The following ATP8A2 variants were observed in gnomAD, a reference collection of about 807,000 sequenced individuals.
The protein encoded by ATP8A2 is phospholipid-transporting ATPase IB.
In ATP8A2, 100 loss-of-function variants were observed where a neutral mutation model predicts 165.6. The ratio of observed to expected loss-of-function variants is 0.60; its 90% confidence interval spans 0.51 to 0.71. The LOEUF (loss-of-function observed/expected upper bound fraction) is 0.71, where lower values mean the gene tolerates loss of function less well. ATP8A2 is among the 30% of genes least tolerant of loss of function. The pLI is 0.00. For missense variants in ATP8A2, 1,227 were observed against 1,479.5 expected, an observed-to-expected ratio of 0.83 and a Z score of 2.80; for synonymous variants, 543 against 548.8, an observed-to-expected ratio of 0.99 and a Z score of 0.15.
chr13:25,474,201 A>G (rs945699760), intron 2 of ATP8A2, among the ~76,000 whole-genome samples: 20 of 79,396 alleles, frequency 2.5e-4, no homozygotes, highest in African/African-American at 6.0e-4. Flanking sequence ...CCTTAAAGGA[A>G]AATTACTTCA....
At chr13:25,539,716 T>C (rs1043252361) in intron 7 of ATP8A2, among the ~76,000 whole-genome samples, 1 of 152,238 alleles carries the variant, frequency 6.6e-6, no homozygotes, top group African/African-American at 2.4e-5. Flanking sequence ...ACTAACTGTG[T>C]GAACCTAGCT....
At chr13:25,615,171 G>A (rs1373848732) in intron 24 of ATP8A2, among the ~76,000 whole-genome samples, 1 of 152,142 alleles carries the variant, frequency 6.6e-6, no homozygotes, top group African/African-American at 2.4e-5. Context: ...GCAAGGTTAG[G>A]TGTGTCTGAG....
intron 2 of ATP8A2, among the ~76,000 whole-genome samples, chr13:25,516,701 T>G (rs937557454): frequency 6.6e-6 from 1 of 152,000 alleles, no homozygotes; most frequent in Non-Finnish European, 1.5e-5. Flanking sequence ...AGTGCAAAAT[T>G]AAATAAATCT....
At chr13:25,676,914 C>A (rs561413669) in intron 24 of ATP8A2, among the ~76,000 whole-genome samples, 2 of 152,158 alleles carry the variant, frequency 1.3e-5, no homozygotes, top group Non-Finnish European at 2.9e-5. Flanking sequence ...TAGTCTTGCT[C>A]TTTTGAAGGG....
intron 36 of ATP8A2, among the ~76,000 whole-genome samples, chr13:26,016,749 G>A (rs1235374843): frequency 6.6e-6 from 1 of 152,096 alleles, no homozygotes; most frequent in East Asian, 1.9e-4. Context: ...CTTTTCTGAC[G>A]TGGATGCAGA....
At chr13:26,002,892 G>GTGTA (rs1489210049) in intron 35 of ATP8A2, among the ~76,000 whole-genome samples, 1 of 143,724 alleles carries the variant, frequency 7.0e-6, no homozygotes, top group South Asian at 2.3e-4. Context: ...GTGTGTGTGT[G>GTGTA]TGTATGTACC....
intron 33 of ATP8A2, among the ~76,000 whole-genome samples, chr13:25,898,437 C>G (rs1276115863): frequency 6.6e-6 from 1 of 152,244 alleles, no homozygotes; most frequent in Non-Finnish European, 1.5e-5. Flanking sequence ...TCCGCCCCTA[C>G]TGGGGGGTGC....
intron 1 of ATP8A2, among the ~76,000 whole-genome samples, chr13:25,416,730 C>T (rs2034142215): frequency 6.6e-6 from 1 of 152,066 alleles, no homozygotes; most frequent in Non-Finnish European, 1.5e-5. Flanking sequence ...ACAAATTGCC[C>T]AGGAGAAGCA....
At chr13:25,468,804 CGCGGCACAGGCG>C in intron 1 of ATP8A2, 161 bp from the exon 2 acceptor site, 1 of 982,598 alleles carries the variant, frequency 1.0e-6, no homozygotes, top group Non-Finnish European at 1.2e-6. Flanking sequence ...CCTTGGCTGC[CGCGGCACAGGCG>C]GCGGCGTCTC....
chr13:25,792,409 T>C (rs1369215753), intron 27 of ATP8A2, among the ~76,000 whole-genome samples: 1 of 152,198 alleles, frequency 6.6e-6, no homozygotes, highest in African/African-American at 2.4e-5. Flanking sequence ...TCATCAAGCC[T>C]ATCTGTGTGC....
intron 34 of ATP8A2, among the ~76,000 whole-genome samples, chr13:25,962,875 G>A (rs927223253): frequency 6.6e-6 from 1 of 151,976 alleles, no homozygotes; most frequent in Non-Finnish European, 1.5e-5. Flanking sequence ...TAGATAGAGG[G>A]GGAAAGAATA....
chr13:25,738,490 A>G (rs1455769009), intron 25 of ATP8A2, among the ~76,000 whole-genome samples: 6 of 152,204 alleles, frequency 3.9e-5, no homozygotes, highest in Admixed American at 3.3e-4. Context: ...GGTAAATGAT[A>G]AAAATATGCT....
chr13:25,899,253 T>C (rs1014809227), intron 33 of ATP8A2, among the ~76,000 whole-genome samples: 2 of 152,204 alleles, frequency 1.3e-5, no homozygotes, highest in Non-Finnish European at 2.9e-5. Context: ...TGGAGCTCTG[T>C]AGAGCAAGGG....
At chr13:25,408,342 G>C (rs1161834855) in intron 1 of ATP8A2, among the ~76,000 whole-genome samples, 1 of 151,614 alleles carries the variant, frequency 6.6e-6, no homozygotes, top group East Asian at 1.9e-4. Flanking sequence ...GCAGTGAGCC[G>C]AGATTGTGCC....
intron 25 of ATP8A2, among the ~76,000 whole-genome samples, chr13:25,762,167 G>A (rs1376570488): frequency 6.7e-6 from 1 of 149,028 alleles, no homozygotes; most frequent in African/African-American, 2.5e-5. Context: ...TACTTGGGAG[G>A]CTGAGGCAAG....
intron 33 of ATP8A2, among the ~76,000 whole-genome samples, chr13:25,902,939 G>GCGCACACACACA (rs1555288180): frequency 7.1e-6 from 1 of 140,442 alleles, no homozygotes; most frequent in African/African-American, 2.7e-5. Flanking sequence ...TCCTCAGCAT[G>GCGCACACACACA]CACACACACA....
chr13:25,940,919 G>A (rs923845071), intron 33 of ATP8A2, among the ~76,000 whole-genome samples: 1 of 152,180 alleles, frequency 6.6e-6, no homozygotes, highest in African/African-American at 2.4e-5. Flanking sequence ...TCAGGAGGGT[G>A]AGCTGAGCTG....
At chr13:25,629,271 T>G (rs371962634) in intron 24 of ATP8A2, among the ~76,000 whole-genome samples, 1 of 152,156 alleles carries the variant, frequency 6.6e-6, no homozygotes, top group Non-Finnish European at 1.5e-5. Flanking sequence ...ATAAAAAAAT[T>G]TTTAGAAGAA....
In ATP8A2 at chr13:25,406,361, G is replaced by A. The variant is rs182797536; in HGVS notation, c.76+34073G>A. ...TAACATAAGGTTGCTTTGACCTAAGGGCAAGATTTATGGTAAGTACCTGCT... is the reference window on the plus strand; with the variant it reads ...TAACATAAGGTTGCTTTGACCTAAGAGCAAGATTTATGGTAAGTACCTGCT... On this transcript the variant is annotated intron_variant, in intron 1 of 36. Transcript: ENST00000381655. Among the ~76,000 whole-genome samples the A allele has an allele frequency of 5.9e-4, 90 of 152,250 alleles. 1 individual carries two copies. Among genetic ancestry groups the A allele is most frequent in the Admixed American group, 5.9e-3 (90 of 15,298 alleles).
Sources: allele counts gnomAD v4.1 joint callset (sites outside exome capture counted in the v4.1 genomes callset), GRCh38; gene constraint gnomAD v4.1.1; transcripts MANE v1.5; gene names NCBI Gene and HGNC (gene_info 2026-07-23, HGNC 2026-07-21).